The following PSD3 variants were observed in gnomAD, a reference collection of about 807,000 sequenced individuals.
PSD3 encodes the protein PH and SEC7 domain-containing protein 3.
PSD3 carries 49 observed loss-of-function variants against 105.5 expected under a neutral mutation model. That is an observed-to-expected ratio of 0.46 (90% CI 0.37 to 0.59). PSD3 has a LOEUF of 0.59. Ranked by LOEUF, PSD3 falls within the 20% of genes least tolerant of loss-of-function variation. PSD3 has a pLI of 0.00. For synonymous variants in PSD3, 557 were observed against 457.8 expected (o/e 1.22, Z -2.77); for missense variants, 1,561 against 1,263.8 (o/e 1.24, Z -3.57).
chr8:18,567,882 G>C (rs1402636353), intron 14 of PSD3, among the ~76,000 whole-genome samples: 2 of 152,184 alleles, frequency 1.3e-5, no homozygotes, highest in African/African-American at 4.8e-5. Flanking sequence ...GTTGGAGGTG[G>C]GACCTGGTAA....
chr8:18,928,141 T>G (rs1821495858), intron 2 of PSD3, among the ~76,000 whole-genome samples: 1 of 152,156 alleles, frequency 6.6e-6, no homozygotes, highest in Non-Finnish European at 1.5e-5. Context: ...TCACCTGGAA[T>G]TGTAATAATC....
At chr8:18,632,921 C>T in intron 10 of PSD3, 115 bp from the exon 11 acceptor site, 1 of 780,496 alleles carries the variant, frequency 1.3e-6, no homozygotes, top group Non-Finnish European at 2.0e-6. Context: ...CTTTTTATAA[C>T]CACCACCATG....
At chr8:18,682,501 C>T (rs1230002716) in intron 9 of PSD3, among the ~76,000 whole-genome samples, 1 of 152,126 alleles carries the variant, frequency 6.6e-6, no homozygotes, top group African/African-American at 2.4e-5. Flanking sequence ...ATACAGGTCA[C>T]ATTAAAGGAC....
chr8:18,761,514 G>A (rs184635478), intron 9 of PSD3, among the ~76,000 whole-genome samples: 122 of 152,178 alleles, frequency 8.0e-4, no homozygotes, highest in African/African-American at 2.8e-3. Context: ...CTATTTACTT[G>A]ACGTAGTCCC....
intron 2 of PSD3, among the ~76,000 whole-genome samples, chr8:18,911,899 C>T (rs528692589): frequency 2.6e-5 from 4 of 152,282 alleles, no homozygotes; most frequent in African/African-American, 9.6e-5. Context: ...TGTCAGCCTA[C>T]ACCGTAACTT....
intron 12 of PSD3, among the ~76,000 whole-genome samples, chr8:18,585,288 G>A (rs1465410628): frequency 6.6e-6 from 1 of 152,138 alleles, no homozygotes; most frequent in African/African-American, 2.4e-5. Flanking sequence ...TGAAAAGGGA[G>A]GAAAATAAGG....
chr8:18,797,899 T>C (rs1389526065), intron 8 of PSD3, among the ~76,000 whole-genome samples: 1 of 152,132 alleles, frequency 6.6e-6, no homozygotes, highest in Non-Finnish European at 1.5e-5. Flanking sequence ...TGGTGATCAC[T>C]GACTTGATTC....
intron 8 of PSD3, among the ~76,000 whole-genome samples, chr8:18,773,531 T>A (rs941979435): frequency 1.3e-5 from 2 of 152,332 alleles, no homozygotes; most frequent in East Asian, 3.9e-4. Flanking sequence ...GAGATTTTGA[T>A]AGTAATCGTG....
chr8:18,682,944 T>C (rs1236450494), intron 9 of PSD3, among the ~76,000 whole-genome samples: 1 of 152,164 alleles, frequency 6.6e-6, no homozygotes, highest in Non-Finnish European at 1.5e-5. Flanking sequence ...ATCTCCGTTA[T>C]AATCATCTCC....
At chr8:19,077,263 G>A (rs747536827) in intron 1 of PSD3, among the ~76,000 whole-genome samples, 1 of 152,306 alleles carries the variant, frequency 6.6e-6, no homozygotes, top group Non-Finnish European at 1.5e-5. Flanking sequence ...AACATTGTAA[G>A]TGCTTGAATA....
chr8:18,661,972 G>C (rs1385994416), intron 9 of PSD3, among the ~76,000 whole-genome samples: 1 of 151,686 alleles, frequency 6.6e-6, no homozygotes, highest in African/African-American at 2.4e-5. Flanking sequence ...CTTATTTAGG[G>C]TAATAGAACA....
At chr8:18,934,104 T>C (rs1821920418) in intron 2 of PSD3, among the ~76,000 whole-genome samples, 1 of 152,214 alleles carries the variant, frequency 6.6e-6, no homozygotes, top group South Asian at 2.1e-4. Context: ...TGGCTGTGTA[T>C]ACACTGCCTT....
At chr8:18,774,613 T>A (rs1807859656) in intron 8 of PSD3, 1 of 381,268 alleles carries the variant, frequency 2.6e-6, no homozygotes, top group Non-Finnish European at 5.1e-6. Flanking sequence ...TTCTTGGTCT[T>A]CAGGTTCTCC....
chr8:18,906,133 TTTTC>T (rs1819830583), intron 2 of PSD3, among the ~76,000 whole-genome samples: 1 of 152,134 alleles, frequency 6.6e-6, no homozygotes, highest in South Asian at 2.1e-4. Flanking sequence ...AGAAAAGTGG[TTTTC>T]TTTGAGAAAG....
At chr8:19,006,229 G>A (rs949564267) in intron 1 of PSD3, among the ~76,000 whole-genome samples, 1 of 149,270 alleles carries the variant, frequency 6.7e-6, no homozygotes, top group Non-Finnish European at 1.5e-5. Flanking sequence ...GGAGGCGGGG[G>A]TTGCAGTGAG....
chr8:18,922,201 G>A (rs1388357156), intron 2 of PSD3, among the ~76,000 whole-genome samples: 2 of 152,080 alleles, frequency 1.3e-5, no homozygotes, highest in Non-Finnish European at 2.9e-5. Flanking sequence ...GTTTGTTCAG[G>A]GATTCTGCAA....
intron 8 of PSD3, among the ~76,000 whole-genome samples, chr8:18,797,457 A>G (rs2129446914): frequency 6.6e-6 from 1 of 152,294 alleles, no homozygotes; most frequent in African/African-American, 2.4e-5. Flanking sequence ...GCTTCATCTA[A>G]TCTCCTTACA....
chr8:18,656,880 T>C (rs868483688), intron 9 of PSD3, among the ~76,000 whole-genome samples: 4 of 152,210 alleles, frequency 2.6e-5, no homozygotes, highest in Non-Finnish European at 4.4e-5. Flanking sequence ...CCACAGTGTC[T>C]GGCTTTACCT....
intron 1 of PSD3, among the ~76,000 whole-genome samples, chr8:18,962,166 A>T (rs534595240): frequency 6.6e-6 from 1 of 152,000 alleles, no homozygotes; most frequent in Non-Finnish European, 1.5e-5. Flanking sequence ...GAATCTCTCG[A>T]ATCTGGGAGG....
Sources: gnomAD v4.1 joint callset for allele counts (sites outside exome capture counted in the v4.1 genomes callset) on GRCh38, gnomAD v4.1.1 for gene constraint, MANE v1.5 for transcripts, NCBI Gene and HGNC (gene_info 2026-07-23, HGNC 2026-07-21) for gene names.